PRKCH: variants seen among roughly 807,000 people sequenced by gnomAD.
PRKCH encodes protein kinase C eta type.
Under a neutral mutation model 82.5 loss-of-function variants are expected in PRKCH, and 28 were observed. The ratio of observed to expected loss-of-function variants is 0.34; its 90% confidence interval spans 0.25 to 0.47. PRKCH has a LOEUF of 0.47. Among genes scored for constraint, PRKCH ranks in the 20% least tolerant of loss-of-function variants. PRKCH has a pLI of 1.00. For synonymous variants in PRKCH, 322 were observed against 327.4 expected (o/e 0.98, Z 0.18); for missense variants, 705 against 881.8 (o/e 0.80, Z 2.54).
chr14:61,331,223 T>C (rs943500516), intron 1 of PRKCH, among the ~76,000 whole-genome samples: 4 of 152,216 alleles, frequency 2.6e-5, no homozygotes, highest in Non-Finnish European at 5.9e-5. Context: ...AGTTTAGATA[T>C]ATATTTACTT....
At chr14:61,471,100 C>G (rs1427194464) in intron 9 of PRKCH, among the ~76,000 whole-genome samples, 1 of 152,240 alleles carries the variant, frequency 6.6e-6, no homozygotes, top group East Asian at 1.9e-4. Flanking sequence ...AAATAGGGAA[C>G]AAATATGTCA....
At chr14:61,528,169 C>CACACACACACAT in intron 10 of PRKCH, 1 of 151,942 alleles carries the variant, frequency 6.6e-6, no homozygotes, top group South Asian at 2.1e-4. Context: ...CACACACACA[C>CACACACACACAT]ACACACACAC....
intron 1 of PRKCH, among the ~76,000 whole-genome samples, chr14:61,373,655 C>T (rs986482238): frequency 6.6e-6 from 1 of 152,054 alleles, no homozygotes; most frequent in Non-Finnish European, 1.5e-5. Context: ...GGCTGGAGTG[C>T]AGTGGTGTGA....
intron 6 of PRKCH, chr14:61,452,867 G>A (rs1884576760): frequency 4.1e-6 from 1 of 246,134 alleles, no homozygotes; most frequent in Admixed American, 5.1e-5. Context: ...ATGATTCTTT[G>A]TTATTTAATT....
Position 61,529,057 on chromosome 14 carries a change from G to T in PRKCH, c.1434-18G>T. The T allele has an allele frequency of 2.5e-6, 4 of 1,596,920 alleles. No individual in the cohort carries two copies. Among genetic ancestry groups the T allele is most frequent in the Non-Finnish European group, 3.4e-6 (4 of 1,170,448 alleles). On this transcript the variant is annotated intron_variant, in intron 10 of 13. Coordinates refer to ENST00000332981, the MANE Select transcript of PRKCH (RefSeq NM_006255.5). ...GGGTCTGGCTGCCCTATCTCGTGCT[G>T]CTCTTTGTATCTTTCAGAGATCTGA...
intron 1 of PRKCH, among the ~76,000 whole-genome samples, chr14:61,337,969 A>G (rs1594925631): frequency 6.6e-6 from 1 of 152,258 alleles, no homozygotes; most frequent in Non-Finnish European, 1.5e-5. Context: ...TGTGCCAAGA[A>G]TATATTGTTT....
At chr14:61,508,292 A>G (rs576502015) in intron 10 of PRKCH, among the ~76,000 whole-genome samples, 1 of 152,266 alleles carries the variant, frequency 6.6e-6, no homozygotes, top group South Asian at 2.1e-4. Context: ...TTTAGCCACT[A>G]GTTTTAAGGA....
intron 1 of PRKCH, chr14:61,187,709 T>A (rs1245245320): frequency 6.6e-6 from 1 of 152,180 alleles, no homozygotes; most frequent in East Asian, 1.9e-4. Context: ...AAATGTAGCG[T>A]CAGCAATCTT....
intron 1 of PRKCH, among the ~76,000 whole-genome samples, chr14:61,230,018 T>C (rs947563215): frequency 3.3e-5 from 5 of 152,158 alleles, no homozygotes; most frequent in African/African-American, 9.7e-5. Flanking sequence ...CTTTAAAAAC[T>C]TTTTTCCCCT....
chr14:61,401,403 T>C (rs1025018864), intron 2 of PRKCH, among the ~76,000 whole-genome samples: 1 of 152,030 alleles, frequency 6.6e-6, no homozygotes, highest in African/African-American at 2.4e-5. Context: ...GGTGGCTTTG[T>C]TGGAAATTTT....
chr14:61,299,723 A>G (rs2045435431), intron 1 of PRKCH: 3 of 152,200 alleles, frequency 2.0e-5, no homozygotes, highest in Admixed American at 2.0e-4. Flanking sequence ...TTTCAACTCT[A>G]CTTTCATCTC....
intron 2 of PRKCH, among the ~76,000 whole-genome samples, chr14:61,434,608 A>G (rs4902059): frequency 0.14 from 21,762 of 152,236 alleles, 1,987 homozygotes; most frequent in African/African-American, 0.25. Context: ...CTTGCAATTG[A>G]TAGTAGGACA....
chr14:61,453,539 TCTTTCTTC>T (rs1163900707), intron 7 of PRKCH, among the ~76,000 whole-genome samples, 186 bp downstream of exon 7: 2 of 151,820 alleles, frequency 1.3e-5, no homozygotes, highest in African/African-American at 4.8e-5. Flanking sequence ...TCTCTTTCTT[TCTTTCTTC>T]CTTTCTTTCT....
At chr14:61,396,248 T>C (rs2046781028) in intron 2 of PRKCH, among the ~76,000 whole-genome samples, 1 of 152,062 alleles carries the variant, frequency 6.6e-6, no homozygotes, top group African/African-American at 2.4e-5. Flanking sequence ...AAGCACTCCT[T>C]TAAAAAAAAT....
intron 10 of PRKCH, among the ~76,000 whole-genome samples, chr14:61,495,267 C>T (rs1028994822): frequency 2.0e-5 from 3 of 152,194 alleles, no homozygotes; most frequent in Non-Finnish European, 4.4e-5. Flanking sequence ...ATATATTAAA[C>T]CAGAATGCTG....
chr14:61,378,829 A>G (rs1197750326), intron 1 of PRKCH, among the ~76,000 whole-genome samples: 2 of 152,032 alleles, frequency 1.3e-5, no homozygotes, highest in East Asian at 3.8e-4. Context: ...TCTTTCTCCT[A>G]TCTGCCCTCT....
intron 12 of PRKCH, among the ~76,000 whole-genome samples, chr14:61,547,009 G>C (rs1221297738): frequency 6.6e-6 from 1 of 152,198 alleles, no homozygotes; most frequent in Non-Finnish European, 1.5e-5. Flanking sequence ...TGGAAATACA[G>C]AGAATCTCTA....
intron 1 of PRKCH, among the ~76,000 whole-genome samples, chr14:61,295,628 A>G (rs1224242842): frequency 1.3e-5 from 2 of 152,250 alleles, no homozygotes; most frequent in Non-Finnish European, 2.9e-5. Flanking sequence ...AAAGCCTAGT[A>G]AGTGATACGT....
chr14:61,287,204 TAAAAA>T (rs35045657), intron 1 of PRKCH, among the ~76,000 whole-genome samples: 15 of 57,930 alleles, frequency 2.6e-4, no homozygotes, highest in South Asian at 9.3e-4. Flanking sequence ...GACTCCGTCT[TAAAAA>T]AAAAAAAAAA....
Sources: allele counts gnomAD v4.1 joint callset (sites outside exome capture counted in the v4.1 genomes callset), GRCh38; gene constraint gnomAD v4.1.1; transcripts MANE v1.5; gene names NCBI Gene and HGNC (gene_info 2026-07-23, HGNC 2026-07-21).